TEX36: variants seen among roughly 807,000 people sequenced by gnomAD.
TEX36 encodes testis-expressed protein 36.
In TEX36, 12 loss-of-function variants were observed where a neutral mutation model predicts 13.6. That is an observed-to-expected ratio of 0.88 (90% CI 0.56 to 1.43). TEX36 has a LOEUF of 1.43. Ranked by LOEUF, TEX36 falls within the 40% of genes most tolerant of loss-of-function variation. The pLI is 0.00. For synonymous variants in TEX36, 93 were observed against 83.0 expected, an observed-to-expected ratio of 1.12 and a Z score of -0.65; for missense variants, 224 against 228.3, an observed-to-expected ratio of 0.98 and a Z score of 0.12.
chr10:125,656,170 TG>T lies in TEX36; in HGVS notation c.290del (p.Pro97GlnfsTer70). ...DSGLGRKKIS[P>X]DKRQHVSRNF... is the part of the protein sequence containing the mutation. ...TTCTTGAAACATGTTGCCTCTTATC[TG>T]GAGAGATCTTCTTACGTCCCAGGCC... On this transcript the variant is annotated frameshift_variant, in exon 4 of 4. Coordinates refer to ENST00000368821, the MANE Select transcript of TEX36 (RefSeq NM_001128202.3). LOFTEE classifies it low-confidence loss of function (END_TRUNC). 6.5e-7 allele frequency: 1 copy of T among 1,527,592 alleles called. No individual in the cohort carries two copies. Among genetic ancestry groups the T allele is most frequent in the South Asian group, 1.2e-5 (1 of 81,152 alleles). 94.6% of individuals were successfully genotyped at this position (1,527,592 alleles called of 1,614,324 possible). A position where few individuals can be genotyped will look rare whatever the true frequency, so the allele number is the denominator to read the frequency against.
chr10:125,630,473 T>C (rs535088843), intron 3 of TEX36, among the ~76,000 whole-genome samples: 11 of 152,210 alleles, frequency 7.2e-5, no homozygotes, highest in Non-Finnish European at 1.3e-4. Context: ...GTTGCAAGGA[T>C]GAATGTTCTG....
intron 3 of TEX36, among the ~76,000 whole-genome samples, chr10:125,625,294 G>T (rs574191289): frequency 5.9e-4 from 90 of 152,320 alleles, no homozygotes; most frequent in African/African-American, 2.1e-3. Context: ...AAACTTTGGT[G>T]ACAGGAACTG....
chr10:125,619,853 C>T (rs1240757689), downstream of TEX36, among the ~76,000 whole-genome samples: 2 of 151,740 alleles, frequency 1.3e-5, no homozygotes, highest in Non-Finnish European at 2.9e-5. Context: ...CCTCGCCCGA[C>T]CATTTTTTAC....
At chr10:125,681,318 T>C (rs2133618348) in intron 1 of TEX36, among the ~76,000 whole-genome samples, 1 of 152,354 alleles carries the variant, frequency 6.6e-6, no homozygotes, top group African/African-American at 2.4e-5. Flanking sequence ...TATAAATCCC[T>C]ATTTGGTTAA....
intron 3 of TEX36, among the ~76,000 whole-genome samples, chr10:125,626,575 A>T (rs1846493214): frequency 6.6e-6 from 1 of 152,092 alleles, no homozygotes; most frequent in African/African-American, 2.4e-5. Context: ...TCCCCTGGAG[A>T]GCTCACAGTC....
At chr10:125,673,731 AAAG>A (rs1214695025) in intron 1 of TEX36, among the ~76,000 whole-genome samples, 18 of 147,646 alleles carry the variant, frequency 1.2e-4, no homozygotes, top group African/African-American at 4.7e-4. Context: ...AAAAAAAAAA[AAAG>A]GTTGAATATT....
chr10:125,678,388 C>G (rs1181799266), intron 1 of TEX36, among the ~76,000 whole-genome samples: 1 of 151,992 alleles, frequency 6.6e-6, no homozygotes, highest in Non-Finnish European at 1.5e-5. Context: ...CCAGGTAGGT[C>G]AGTCTTCAGG....
At chr10:125,586,824 C>T (rs1294436090) in intron 3 of TEX36, among the ~76,000 whole-genome samples, 2 of 151,578 alleles carry the variant, frequency 1.3e-5, no homozygotes, top group Admixed American at 6.6e-5. Context: ...ATTTGCCAGG[C>T]GATATGGCTT....
intron 2 of TEX36, 104 bp downstream of exon 2, chr10:125,661,742 C>A: frequency 7.0e-7 from 1 of 1,435,364 alleles, no homozygotes; most frequent in Non-Finnish European, 9.4e-7. Context: ...ATAGTAAATG[C>A]GCAGTTTCTT....
intron 3 of TEX36, among the ~76,000 whole-genome samples, chr10:125,634,197 G>C (rs759288339): frequency 5.3e-5 from 8 of 151,992 alleles, no homozygotes; most frequent in Non-Finnish European, 8.8e-5. Flanking sequence ...TATTAATCTT[G>C]CATAGTGCTT....
At chr10:125,621,994 C>T (rs1846434065) in intron 3 of TEX36, among the ~76,000 whole-genome samples, 1 of 152,158 alleles carries the variant, frequency 6.6e-6, no homozygotes, top group South Asian at 2.1e-4. Flanking sequence ...GACTCAAATG[C>T]CAATCTCCTC....
At chr10:125,576,933 T>G (rs1162992370) in intron 3 of TEX36, 1 of 1,532,626 alleles carries the variant, frequency 6.5e-7, no homozygotes. Flanking sequence ...ATCCTTGTAG[T>G]TCAGCAATCA....
Position 125,656,053 on chromosome 10 carries a change from C to G in TEX36, c.408G>C (p.Val136=), listed in dbSNP as rs1176846873. 1.3e-6 allele frequency: 2 copies of G among 1,551,736 alleles called. No homozygotes were observed. Among genetic ancestry groups the G allele is most frequent in the Middle Eastern group, 1.7e-4 (1 of 6,018 alleles). Residue 136 remains valine, a synonymous_variant, in exon 4 of 4, where the codon GTG becomes GTC. Coordinates refer to ENST00000368821, the MANE Select transcript of TEX36 (RefSeq NM_001128202.3). ...QISYVYKEAM[V]VSSFRRFPRC... ...GTGGAAAGCGTCTGAAGCTTGAGAC[C>G]ACCATGGCTTCTTTATATACGTATG... is the stretch of plus-strand genomic sequence containing the variant.
At chr10:125,600,799 TAG>T in intron 3 of TEX36, among the ~76,000 whole-genome samples, 2 of 152,178 alleles carry the variant, frequency 1.3e-5, no homozygotes, top group African/African-American at 4.8e-5. Context: ...GGCATCTCAT[TAG>T]TGTTTCAAGG....
At chr10:125,678,414 C>A (rs1226408389) in intron 1 of TEX36, among the ~76,000 whole-genome samples, 1 of 151,840 alleles carries the variant, frequency 6.6e-6, no homozygotes, top group Non-Finnish European at 1.5e-5. Context: ...TTGGTGGCAG[C>A]AGTTGGCTGA....
chr10:125,658,639 A>G (rs1198437263), intron 3 of TEX36, among the ~76,000 whole-genome samples: 2 of 152,212 alleles, frequency 1.3e-5, no homozygotes, highest in African/African-American at 4.8e-5. Flanking sequence ...AGATAATCTC[A>G]TAATTCAAAA....
intron 1 of TEX36, among the ~76,000 whole-genome samples, chr10:125,676,991 C>A (rs1250500078): frequency 2.6e-5 from 4 of 152,202 alleles, no homozygotes; most frequent in African/African-American, 9.7e-5. Flanking sequence ...TCTTGACTGG[C>A]AGTTTTTTCT....
rs973504985 is a variant in TEX36, at chr10:125,655,906, C to T, written c.555G>A (p.Glu185=). Residue 185 remains glutamate, a synonymous_variant, in exon 4 of 4, where the codon GAG becomes GAA. Coordinates refer to ENST00000368821, the MANE Select transcript of TEX36 (RefSeq NM_001128202.3). ...TVDKKVVSSL[E]S ...CAAAAATCTTCTGGGAGGATTAGGA[C>T]TCCAGTGAAGAAACAACCTTTTTGT... 13 of 1,519,008 alleles carry T rather than the reference C, an allele frequency of 8.6e-6. No individual in the cohort carries two copies. The highest frequency in any genetic ancestry group is 1.1e-5 in the Non-Finnish European group (13 of 1,130,654). The allele number at this position is 1,519,008 out of a possible 1,614,324, so 94.1% of individuals were successfully genotyped here.
intron 3 of TEX36, among the ~76,000 whole-genome samples, chr10:125,594,726 A>C (rs1846060642): frequency 6.6e-6 from 1 of 152,226 alleles, no homozygotes; most frequent in African/African-American, 2.4e-5. Flanking sequence ...TATTACTTAG[A>C]GGGAAAGTCA....
Sources: gnomAD v4.1 joint callset for allele counts (sites outside exome capture counted in the v4.1 genomes callset) on GRCh38, gnomAD v4.1.1 for gene constraint, MANE v1.5 for transcripts, NCBI Gene and HGNC (gene_info 2026-07-23, HGNC 2026-07-21) for gene names.